Variants in RSL24D1 observed in about 807,000 individuals in gnomAD.
RSL24D1 encodes the protein probable ribosome biogenesis protein RLP24.
In RSL24D1, 6 loss-of-function variants were observed where a neutral mutation model predicts 26.2. The ratio of observed to expected loss-of-function variants is 0.23; its 90% confidence interval spans 0.13 to 0.45. The LOEUF (loss-of-function observed/expected upper bound fraction) is 0.45. Among genes scored for constraint, RSL24D1 ranks in the 20% least tolerant of loss-of-function variants. RSL24D1 has a pLI of 0.99. For missense variants in RSL24D1, 176 were observed against 202.6 expected, an observed-to-expected ratio of 0.87 and a Z score of 0.80; for synonymous variants, 61 against 59.1, an observed-to-expected ratio of 1.03 and a Z score of -0.15.
chr15:55,183,455 G>T, intron 4 of RSL24D1, 55 bp from the exon 5 acceptor site: 1 of 1,271,320 alleles, frequency 7.9e-7, no homozygotes, highest in Non-Finnish European at 1.1e-6. Flanking sequence ...GCTTTAAGAG[G>T]CATCAATTCA....
intron 2 of RSL24D1, among the ~76,000 whole-genome samples, chr15:55,192,175 A>G (rs2140596441): frequency 1.3e-5 from 2 of 152,290 alleles, no homozygotes; most frequent in Admixed American, 1.3e-4. Context: ...CCTGTACTGC[A>G]TTTTCATCTC....
intron 4 of RSL24D1, 151 bp downstream of exon 4, chr15:55,185,211 A>G (rs1295073732): frequency 2.0e-6 from 1 of 511,064 alleles, no homozygotes; most frequent in African/African-American, 2.0e-5. Context: ...AAATGCTAGC[A>G]GAATATACAA....
intron 1 of RSL24D1, chr15:55,196,544 G>C (rs1894359239): frequency 1.7e-6 from 1 of 588,116 alleles, no homozygotes; most frequent in Admixed American, 2.7e-5. Flanking sequence ...TTCCTGGTAG[G>C]CGCTAGCTGG....
rs772105282 is a variant in RSL24D1 at position 55,192,781 on chromosome 15, T to C, written c.134A>G (p.Asn45Ser). 1.8e-4 allele frequency: 293 copies of C among 1,613,836 alleles called. No individual in the cohort carries two copies. The highest frequency in any genetic ancestry group is 2.3e-4 in the Non-Finnish European group (277 of 1,179,858). ...TTTGGTCCACCTAACTTTGCGAGGA[T>C]TGCGCTTCTTTTTAAAGTTTTTATG... ...KCHKNFKKKR[N>S]PRKVRWTKAF... Residue 45 changes from asparagine to serine, a missense_variant, in exon 2 of 6, where the codon AAT becomes AGT. By Grantham distance (46) the Asn-to-Ser change is conservative. Transcript: ENST00000260443.
chr15:55,185,520 G>A, intron 3 of RSL24D1, 95 bp from the exon 4 acceptor site: 1 of 860,066 alleles, frequency 1.2e-6, no homozygotes, highest in East Asian at 2.8e-5. Flanking sequence ...TTCTGATTTA[G>A]AAATGAATTT....
At chr15:55,185,776 T>A (rs1453091455) in intron 3 of RSL24D1, among the ~76,000 whole-genome samples, 1 of 152,188 alleles carries the variant, frequency 6.6e-6, no homozygotes, top group South Asian at 2.1e-4. Flanking sequence ...GTAATTTCCA[T>A]GAATAAAGAC....
chr15:55,196,627 G>C, intron 1 of RSL24D1, 183 bp downstream of exon 1: 1 of 619,740 alleles, frequency 1.6e-6, no homozygotes, highest in Non-Finnish European at 2.8e-6. Flanking sequence ...TCGGAAGACG[G>C]GCAAGGAGAA....
intron 1 of RSL24D1, chr15:55,196,250 T>A (rs974219403): frequency 2.3e-6 from 1 of 442,028 alleles, no homozygotes; most frequent in Non-Finnish European, 4.5e-6. Context: ...TCACTTTCCT[T>A]CCACTTAGAA....
At chr15:55,189,193 C>CAA (rs11320888) in intron 3 of RSL24D1, among the ~76,000 whole-genome samples, 4,432 of 66,324 alleles carry the variant, frequency 0.067, 155 homozygotes, top group African/African-American at 0.12. Context: ...ACTCCCATCT[C>CAA]AAAAAAAAAA....
intron 3 of RSL24D1, among the ~76,000 whole-genome samples, chr15:55,187,751 T>G (rs1464109209): frequency 1.4e-5 from 2 of 143,154 alleles, no homozygotes; most frequent in Non-Finnish European, 1.5e-5. Context: ...GAAGGGGGAG[T>G]GGGGTGGGGT....
chr15:55,195,293 A>G (rs1566887929), intron 1 of RSL24D1: 2 of 152,236 alleles, frequency 1.3e-5, no homozygotes, highest in Non-Finnish European at 2.9e-5. Context: ...CAGTAGGCCC[A>G]CTGTACCTAC....
chr15:55,194,803 T>TAC (rs143219738), intron 1 of RSL24D1, among the ~76,000 whole-genome samples: 6,942 of 147,016 alleles, frequency 0.047, 181 homozygotes, highest in Middle Eastern at 0.086. Context: ...CCTCTGTCTC[T>TAC]ACACACACAC....
chr15:55,188,221 T>C (rs894515703), intron 3 of RSL24D1, among the ~76,000 whole-genome samples: 1 of 152,218 alleles, frequency 6.6e-6, no homozygotes, highest in Admixed American at 6.5e-5. Context: ...GAATAATATA[T>C]TGTTCTGGAA....
chr15:55,191,385 A>T (rs2140595866), intron 2 of RSL24D1, among the ~76,000 whole-genome samples: 1 of 152,308 alleles, frequency 6.6e-6, no homozygotes, highest in South Asian at 2.1e-4. Context: ...GAAAACTTTG[A>T]ATTATGTTGA....
chr15:55,193,230 T>C (rs567352271), intron 1 of RSL24D1, among the ~76,000 whole-genome samples: 7 of 152,328 alleles, frequency 4.6e-5, no homozygotes, highest in African/African-American at 1.7e-4. Flanking sequence ...CTTTCCATCT[T>C]CCTTGTTGAA....
rs902076791 is a variant in RSL24D1 at position 55,196,667 on chromosome 15, G to A, written c.81+143C>T. On this transcript the variant is annotated intron_variant, in intron 1 of 5. Coordinates refer to ENST00000260443, the MANE Select transcript of RSL24D1 (RefSeq NM_016304.3). ...CCGAAGCGGAACGTTGAGAACGGAG[G>A]CCCAGTTAAGCCACCCTCCCAGGGG... 38 of 701,950 alleles carry A rather than the reference G, an allele frequency of 5.4e-5. 1 individual carries two copies. The highest frequency in any genetic ancestry group is 2.6e-4 in the Middle Eastern group (1 of 3,802). The allele number at this position is 701,950 out of a possible 1,614,324, so 43.5% of individuals were successfully genotyped here. A position where few individuals can be genotyped will look rare whatever the true frequency, so the allele number is the denominator to read the frequency against.
At chr15:55,185,079 G>C (rs1894210079) in intron 4 of RSL24D1, among the ~76,000 whole-genome samples, 1 of 152,118 alleles carries the variant, frequency 6.6e-6, no homozygotes, top group Non-Finnish European at 1.5e-5. Context: ...CTGACTGATA[G>C]ATAACCATAC....
At chr15:55,192,651 G>A in intron 2 of RSL24D1, 69 bp downstream of exon 2, 1 of 1,055,720 alleles carries the variant, frequency 9.5e-7, no homozygotes, top group Non-Finnish European at 1.5e-6. Context: ...TTGATTAGAT[G>A]ACATATACCC....
intron 3 of RSL24D1, among the ~76,000 whole-genome samples, chr15:55,189,282 A>G (rs1025601227): frequency 1.3e-5 from 2 of 152,070 alleles, no homozygotes; most frequent in Admixed American, 6.5e-5. Flanking sequence ...TAAGAATCCT[A>G]TAGTTAATCT....
Sources: gnomAD v4.1 joint callset for allele counts (sites outside exome capture counted in the v4.1 genomes callset) on GRCh38, gnomAD v4.1.1 for gene constraint, MANE v1.5 for transcripts, NCBI Gene and HGNC (gene_info 2026-07-23, HGNC 2026-07-21) for gene names.